SNCAIP: variants seen among roughly 807,000 people sequenced by gnomAD.
The protein encoded by SNCAIP is synphilin-1.
A neutral mutation model predicts 86.7 loss-of-function variants in SNCAIP; 43 were observed. That is an observed-to-expected ratio of 0.50 (90% CI 0.39 to 0.64). The LOEUF is 0.64. Ranked by LOEUF, SNCAIP falls within the 30% of genes least tolerant of loss-of-function variation. SNCAIP has a pLI of 0.00. For synonymous variants in SNCAIP, 417 were observed against 427.2 expected (o/e 0.98, Z 0.29); for missense variants, 981 against 1,103.1 (o/e 0.89, Z 1.57).
chr5:122,455,885 G>A (rs879343871), intron 10 of SNCAIP, among the ~76,000 whole-genome samples: 6 of 148,038 alleles, frequency 4.1e-5, no homozygotes, highest in African/African-American at 1.3e-4. Context: ...AACTGTAGAG[G>A]ATCACTTGGT....
chr5:122,452,585 A>G (rs1783917367), intron 10 of SNCAIP, among the ~76,000 whole-genome samples: 1 of 152,244 alleles, frequency 6.6e-6, no homozygotes, highest in South Asian at 2.1e-4. Flanking sequence ...ATTTTAAATT[A>G]AATATCAAAT....
chr5:122,400,242 C>T (rs1025491589), intron 2 of SNCAIP, among the ~76,000 whole-genome samples: 2 of 151,932 alleles, frequency 1.3e-5, no homozygotes, highest in East Asian at 1.9e-4. Context: ...GCTTCATGTG[C>T]CATGCTAAGG....
In SNCAIP at chr5:122,391,864, C is replaced by T. The variant is rs190602420; in HGVS notation, c.57+673C>T. On this transcript the variant is annotated intron_variant, in intron 2 of 10. Transcript: ENST00000261368. The stretch of plus-strand genomic sequence containing the variant: ...TGCTTTGAGCTGCTTGTGCCTTATC[C>T]GGGACCACATAATCAATTCTGCTAC... 1.7e-3 allele frequency among the ~76,000 whole-genome samples: 255 copies of T among 152,234 alleles called. 1 individual carries two copies. The highest frequency in any genetic ancestry group is 5.9e-3 in the African/African-American group (247 of 41,540).
intron 1 of SNCAIP, among the ~76,000 whole-genome samples, chr5:122,361,177 A>G (rs1363240064): frequency 4.9e-5 from 6 of 122,152 alleles, no homozygotes; most frequent in South Asian, 2.4e-4. Context: ...GTCATTTTTG[A>G]AAAAAAAAAA....
intron 8 of SNCAIP, 68 bp downstream of exon 8, chr5:122,444,800 C>A: frequency 7.7e-7 from 1 of 1,292,308 alleles, no homozygotes; most frequent in Non-Finnish European, 1.1e-6. Flanking sequence ...GCTTCAGCCC[C>A]ATGCTGTGCT....
intron 7 of SNCAIP, chr5:122,444,206 A>G (rs181204605): frequency 4.0e-5 from 19 of 472,564 alleles, no homozygotes; most frequent in Non-Finnish European, 8.0e-5. Context: ...GTAAGATTCC[A>G]GTCTCCCCCT....
At chr5:122,391,818 A>G (rs1481677455) in intron 2 of SNCAIP, among the ~76,000 whole-genome samples, 1 of 152,192 alleles carries the variant, frequency 6.6e-6, no homozygotes, top group Non-Finnish European at 1.5e-5. Context: ...ACTGCTTGGA[A>G]TGGATTGTCT....
intron 3 of SNCAIP, among the ~76,000 whole-genome samples, chr5:122,418,976 G>A (rs1775850666): frequency 6.6e-6 from 1 of 152,050 alleles, no homozygotes; most frequent in Admixed American, 6.6e-5. Flanking sequence ...TGATGAAGAG[G>A]GCCCAGATTT....
chr5:122,366,726 C>T (rs1763268609), intron 1 of SNCAIP, among the ~76,000 whole-genome samples: 3 of 152,104 alleles, frequency 2.0e-5, no homozygotes, highest in African/African-American at 7.2e-5. Context: ...TGAATGTAGG[C>T]AGGCACCCAA....
At chr5:122,383,086 G>C (rs779186169) in intron 1 of SNCAIP, among the ~76,000 whole-genome samples, 1 of 152,186 alleles carries the variant, frequency 6.6e-6, no homozygotes, top group Non-Finnish European at 1.5e-5. Flanking sequence ...GGAGCTTCCC[G>C]GCTGCTTTGT....
intron 1 of SNCAIP, among the ~76,000 whole-genome samples, chr5:122,374,630 G>A (rs1028513147): frequency 2.0e-5 from 3 of 152,042 alleles, no homozygotes; most frequent in Admixed American, 6.6e-5. Flanking sequence ...GAAACTGTGC[G>A]AGAAACTATA....
At chr5:122,381,948 G>C (rs1178523511) in intron 1 of SNCAIP, among the ~76,000 whole-genome samples, 6 of 152,214 alleles carry the variant, frequency 3.9e-5, no homozygotes, top group African/African-American at 1.4e-4. Context: ...TAGGTAAACT[G>C]ACCTTTCTCC....
chr5:122,405,333 ATTTTCTT>A (rs1009370430), intron 3 of SNCAIP, among the ~76,000 whole-genome samples: 10 of 152,280 alleles, frequency 6.6e-5, no homozygotes, highest in African/African-American at 2.4e-4. Flanking sequence ...CAGACACAAG[ATTTTCTT>A]TTTTCTTTAA....
At position 122,351,097 on chromosome 5, in the gene SNCAIP, TTA is replaced by T. The variant is rs575627463; in HGVS notation, c.-47+38815_-47+38816del. On this transcript the variant is annotated intron_variant, in intron 1 of 10. Coordinates refer to ENST00000261368, the MANE Select transcript of SNCAIP (RefSeq NM_005460.4). ...TTTCTATTGATTCAGCATATTTAGT[TTA>T]TGTTCTCTCAAATATAAAAGTGTTA... is the stretch of plus-strand genomic sequence containing the variant. Among the ~76,000 whole-genome samples, 7 of 152,314 alleles carry T rather than the reference TTA, an allele frequency of 4.6e-5. No individual in the cohort carries two copies. The South Asian group carries it at 1.5e-3, about 32-fold the overall frequency.
At chr5:122,316,582 T>A (rs1162140999) in intron 1 of SNCAIP, among the ~76,000 whole-genome samples, 1 of 152,188 alleles carries the variant, frequency 6.6e-6, no homozygotes, top group Non-Finnish European at 1.5e-5. Flanking sequence ...CATATGTCCA[T>A]AGAGTGTAGA....
intron 1 of SNCAIP, among the ~76,000 whole-genome samples, chr5:122,377,494 C>CAG (rs3031391): frequency 0.013 from 1,892 of 149,256 alleles, 22 homozygotes; most frequent in African/African-American, 0.035. Flanking sequence ...GGGAGACAGA[C>CAG]AGAGAGAGAG....
chr5:122,443,644 C>A, intron 7 of SNCAIP: 1 of 456,864 alleles, frequency 2.2e-6, no homozygotes, highest in Non-Finnish European at 4.4e-6. Context: ...AGCTCCTATC[C>A]CCCTATCTCT....
In SNCAIP at chr5:122,422,927, A is replaced by C. The variant is rs369754080; in HGVS notation, c.190A>C (p.Thr64Pro). 1 of 1,614,066 alleles carries C rather than the reference A, an allele frequency of 6.2e-7. No homozygotes were observed. The highest frequency in any genetic ancestry group is 1.3e-5 in the African/African-American group (1 of 74,952). Reference protein sequence around the residue: ...STLITNTQKPTGIADVYSKFR... With the variant: ...STLITNTQKPPGIADVYSKFR... Reference sequence around the variant, plus strand: ...TCTTATTACAAACACGCAAAAGCCCACAGGAATCGCTGATGTGTACAGTAA... The same window carrying C: ...TCTTATTACAAACACGCAAAAGCCCCCAGGAATCGCTGATGTGTACAGTAA... Residue 64 changes from threonine to proline, a missense_variant, in exon 4 of 11, where the codon ACA becomes CCA. Coordinates refer to ENST00000261368, the MANE Select transcript of SNCAIP (RefSeq NM_005460.4).
intron 1 of SNCAIP, among the ~76,000 whole-genome samples, chr5:122,343,916 T>C (rs1256995108): frequency 6.6e-6 from 1 of 152,222 alleles, no homozygotes; most frequent in African/African-American, 2.4e-5. Context: ...CTGTTGATGG[T>C]CAAGTTGAAG....
Sources: allele counts gnomAD v4.1 joint callset (sites outside exome capture counted in the v4.1 genomes callset), GRCh38; gene constraint gnomAD v4.1.1; transcripts MANE v1.5; gene names NCBI Gene and HGNC (gene_info 2026-07-23, HGNC 2026-07-21).